ZNF518A: variants seen among roughly 807,000 people sequenced by gnomAD.
ZNF518A encodes zinc finger protein 518.
A neutral mutation model predicts 102.7 loss-of-function variants in ZNF518A; 47 were observed. The observed-to-expected ratio is 0.46, with a 90% CI of 0.36 to 0.58. The LOEUF (loss-of-function observed/expected upper bound fraction) is 0.58, where lower values mean the gene tolerates loss of function less well. ZNF518A is among the 20% of genes least tolerant of loss of function. The probability of loss-of-function intolerance (pLI) is 0.00; values close to 1 mark genes in which losing one functional copy is unlikely to be tolerated. For synonymous variants in ZNF518A, 652 were observed against 594.6 expected, an observed-to-expected ratio of 1.10 and a Z score of -1.40; for missense variants, 1,793 against 1,699.8, an observed-to-expected ratio of 1.05 and a Z score of -0.96.
rs372328850 is a variant in ZNF518A, at chr10:96,159,818, G to A, written c.3496G>A (p.Ala1166Thr). 8.1e-6 allele frequency: 13 copies of A among 1,613,510 alleles called. No individual in the cohort carries two copies. The African/African-American group carries it at 1.2e-4, about 15-fold the overall frequency. ...TAATAATCTGTCAGTAAGCAACTCT[G>A]CATCCTCATTGCAAAAAGACAACGT... ...AANNLSVSNSASSLQKDNVPS... is the reference protein window; with the variant it reads ...AANNLSVSNSTSSLQKDNVPS... The change falls in exon 6 of 6, where the codon GCA (alanine) becomes ACA (threonine). Residue 1166 changes from alanine to threonine, a missense_variant. Physicochemically the swap from Ala to Thr is moderately conservative, Grantham distance 58 (BLOSUM62 0). Coordinates refer to ENST00000316045, the MANE Select transcript of ZNF518A (RefSeq NM_001330736.2).
In ZNF518A at chr10:96,162,664, T is replaced by C. The variant is rs1189775470; in HGVS notation, c.*1890T>C. 1 of 166,068 alleles carries C rather than the reference T, an allele frequency of 6.0e-6. No individual in the cohort carries two copies. The highest frequency in any genetic ancestry group is 2.4e-5 in the African/African-American group (1 of 41,464). The allele number at this position is 166,068 out of a possible 1,614,324, so 10.3% of individuals were successfully genotyped here. A position where few individuals can be genotyped will look rare whatever the true frequency, so the allele number is the denominator to read the frequency against. On this transcript the variant is annotated 3_prime_UTR_variant, in exon 6 of 6. Coordinates refer to ENST00000316045, the MANE Select transcript of ZNF518A (RefSeq NM_001330736.2). ...GTATATATTAATAATGTACATGGTGTTTAAAGAATGGTAAGCATTGTTAAT... is the reference window on the plus strand; with the variant it reads ...GTATATATTAATAATGTACATGGTGCTTAAAGAATGGTAAGCATTGTTAAT...
rs782084750 is a variant in ZNF518A, at chr10:96,160,500, A to G, written c.4178A>G (p.Tyr1393Cys). The change falls in exon 6 of 6, where the codon TAT becomes TGT. Residue 1393 changes from tyrosine (Y) to cysteine (C), a missense_variant. Tyr to Cys is a radical substitution (Grantham distance 194). Transcript: ENST00000316045. ...AATGCTTTACTGAAACCAGTTTGTT[A>G]TAACCCTCCTAAAACAACTTATGAT... is the stretch of plus-strand genomic sequence containing the variant. ...TINALLKPVC[Y>C]NPPKTTYDDF... is the part of the protein sequence containing the mutation. 3 of 1,613,290 alleles carry G rather than the reference A, an allele frequency of 1.9e-6. No homozygotes were observed. The highest frequency in any genetic ancestry group is 2.5e-6 in the Non-Finnish European group (3 of 1,179,578).
intron 1 of ZNF518A, among the ~76,000 whole-genome samples, chr10:96,187,968 C>G (rs1261826105): frequency 3.3e-5 from 5 of 152,200 alleles, no homozygotes; most frequent in African/African-American, 1.2e-4. Flanking sequence ...GCCTCAGCCT[C>G]CTGAGTAGTA....
At chr10:96,179,973 G>A (rs1180221868) in intron 1 of ZNF518A, among the ~76,000 whole-genome samples, 1 of 150,670 alleles carries the variant, frequency 6.6e-6, no homozygotes, top group African/African-American at 2.4e-5. Flanking sequence ...CTGCCTCCTG[G>A]GTTCAAGCGA....
intron 3 of ZNF518A, among the ~76,000 whole-genome samples, chr10:96,149,724 TC>T (rs1437288455): frequency 2.0e-5 from 3 of 152,206 alleles, no homozygotes; most frequent in Non-Finnish European, 4.4e-5. Flanking sequence ...TCTTCTGTTT[TC>T]CATTGTGAAT....
intron 1 of ZNF518A, among the ~76,000 whole-genome samples, chr10:96,174,905 G>A (rs2083194411): frequency 6.6e-6 from 1 of 152,130 alleles, no homozygotes; most frequent in Non-Finnish European, 1.5e-5. Flanking sequence ...AAGTTTAGAT[G>A]AGGTCGTGAA....
intron 1 of ZNF518A, among the ~76,000 whole-genome samples, chr10:96,185,038 TC>T (rs2133896397): frequency 6.6e-6 from 1 of 152,332 alleles, no homozygotes; most frequent in South Asian, 2.1e-4. Flanking sequence ...TCTTCACACT[TC>T]GTTTCATTAA....
chr10:96,190,274 C>T, intron 1 of ZNF518A: 2 of 699,892 alleles, frequency 2.9e-6, no homozygotes, highest in Non-Finnish European at 5.3e-6. Context: ...TAAACGACCA[C>T]TGCTCAAGAG....
At chr10:96,185,702 C>T (rs587689729) in intron 1 of ZNF518A, among the ~76,000 whole-genome samples, 43 of 152,280 alleles carry the variant, frequency 2.8e-4, no homozygotes, top group South Asian at 1.5e-3. Context: ...GATGGGCACC[C>T]GGCTGTATGA....
At chr10:96,184,475 G>A (rs1554892334) in intron 1 of ZNF518A, among the ~76,000 whole-genome samples, 2 of 152,150 alleles carry the variant, frequency 1.3e-5, no homozygotes, top group East Asian at 1.9e-4. Context: ...CTTCCTTCAG[G>A]AGCTCTTGTA....
intron 1 of ZNF518A, among the ~76,000 whole-genome samples, chr10:96,174,262 G>C (rs2083190599): frequency 6.6e-6 from 1 of 150,816 alleles, no homozygotes; most frequent in Non-Finnish European, 1.5e-5. Context: ...TAAGGAACAA[G>C]AAAAAAAAGA....
At chr10:96,138,557 A>G (rs2081738430) in intron 3 of ZNF518A, among the ~76,000 whole-genome samples, 1 of 151,856 alleles carries the variant, frequency 6.6e-6, no homozygotes, top group African/African-American at 2.4e-5. Context: ...AAATTACAAC[A>G]CTCTGATTCT....
chr10:96,203,285 A>C (rs908141889), intron 1 of ZNF518A, among the ~76,000 whole-genome samples: 43 of 152,344 alleles, frequency 2.8e-4, no homozygotes, highest in African/African-American at 9.9e-4. Flanking sequence ...TTGTGTTGTC[A>C]GAATTTTTTT....
intron 1 of ZNF518A, chr10:96,189,399 T>G: frequency 1.7e-6 from 1 of 591,434 alleles, no homozygotes; most frequent in Admixed American, 1.9e-5. Flanking sequence ...TTGAATAGTC[T>G]CCTGGTCAGT....
chr10:96,167,215 G>T (rs1211131992), downstream of ZNF518A, among the ~76,000 whole-genome samples: 2 of 152,166 alleles, frequency 1.3e-5, no homozygotes, highest in Non-Finnish European at 1.5e-5. Flanking sequence ...AATGCCAGCA[G>T]TTTGGGAGGC....
upstream of ZNF518A, chr10:96,130,248 T>C (rs1362775538): frequency 2.0e-5 from 3 of 152,450 alleles, no homozygotes; most frequent in Non-Finnish European, 2.9e-5. Context: ...CCGCCTCTTG[T>C]GAGAGGAAGC....
At chr10:96,190,837 T>C (rs1449933277) in intron 1 of ZNF518A, among the ~76,000 whole-genome samples, 1 of 152,238 alleles carries the variant, frequency 6.6e-6, no homozygotes, top group African/African-American at 2.4e-5. Context: ...ATCTCTTTTA[T>C]TCCTTGGTGT....
At chr10:96,137,306 A>G (rs1004487390) in intron 3 of ZNF518A, among the ~76,000 whole-genome samples, 3 of 152,246 alleles carry the variant, frequency 2.0e-5, no homozygotes, top group Non-Finnish European at 4.4e-5. Flanking sequence ...GCGTGCAGTC[A>G]TACTGTAATT....
At chr10:96,170,160 A>G (rs1453843757) in intron 1 of ZNF518A, among the ~76,000 whole-genome samples, 1 of 152,202 alleles carries the variant, frequency 6.6e-6, no homozygotes, top group Non-Finnish European at 1.5e-5. Context: ...TCTCAGGAGT[A>G]TGTTAAAGCT....
Sources: allele counts gnomAD v4.1 joint callset (sites outside exome capture counted in the v4.1 genomes callset), GRCh38; gene constraint gnomAD v4.1.1; transcripts MANE v1.5; gene names NCBI Gene and HGNC (gene_info 2026-07-23, HGNC 2026-07-21).